The following ANGPTL6 variants were observed in gnomAD, a reference collection of about 807,000 sequenced individuals.
ANGPTL6 encodes angiopoietin-related protein 6.
A neutral mutation model predicts 47.4 loss-of-function variants in ANGPTL6; 45 were observed. That is an observed-to-expected ratio of 0.95 (90% CI 0.75 to 1.22). ANGPTL6 has a LOEUF of 1.22. ANGPTL6 is among the 50% of genes most tolerant of loss of function. ANGPTL6 has a pLI of 0.00. For synonymous variants in ANGPTL6, 290 were observed against 295.9 expected, an observed-to-expected ratio of 0.98 and a Z score of 0.20; for missense variants, 698 against 669.4, an observed-to-expected ratio of 1.04 and a Z score of -0.47.
upstream of ANGPTL6, among the ~76,000 whole-genome samples, chr19:10,103,624 T>TA (rs35700641): frequency 0.45 from 56,091 of 125,858 alleles, 11,743 homozygotes; most frequent in African/African-American, 0.52. Flanking sequence ...AATAAATAAA[T>TA]AATAAATAAA....
intron 1 of ANGPTL6, among the ~76,000 whole-genome samples, chr19:10,098,083 G>A (rs2088591498): frequency 6.6e-6 from 1 of 151,642 alleles, no homozygotes; most frequent in South Asian, 2.1e-4. Flanking sequence ...GTATAGTCAG[G>A]GTCTTGCTAT....
upstream of ANGPTL6, among the ~76,000 whole-genome samples, chr19:10,103,994 G>A (rs1408105200): frequency 3.3e-5 from 5 of 149,446 alleles, no homozygotes; most frequent in South Asian, 6.3e-4. Flanking sequence ...TCAGGAGGCT[G>A]AGGCAGGAGA....
chr19:10,094,032 A>C (rs1599283054), intron 3 of ANGPTL6, 152 bp from the exon 4 acceptor site: 1 of 786,432 alleles, frequency 1.3e-6, no homozygotes, highest in Non-Finnish European at 2.0e-6. Flanking sequence ...CCATTTCCTC[A>C]CCAGAATAAG....
At chr19:10,103,964 A>ATGGG (rs2088750524), upstream of ANGPTL6, among the ~76,000 whole-genome samples, 2 of 150,600 alleles carry the variant, frequency 1.3e-5, no homozygotes, top group Admixed American at 6.6e-5. Flanking sequence ...GTGGTGGCCC[A>ATGGG]TGCCTGTAAT....
chr19:10,093,018 C>A (rs911257762), intron 5 of ANGPTL6: 4 of 487,264 alleles, frequency 8.2e-6, no homozygotes, highest in Non-Finnish European at 7.1e-6. Flanking sequence ...TCTTTCCCAC[C>A]TTTTCTGCAA....
intron 2 of ANGPTL6, among the ~76,000 whole-genome samples, 178 bp downstream of exon 2, chr19:10,095,804 A>C (rs953535539): frequency 6.6e-6 from 1 of 152,252 alleles, no homozygotes; most frequent in African/African-American, 2.4e-5. Flanking sequence ...TAAGTGGTTA[A>C]GTGAAGGCTA....
chr19:10,099,576 CAAAAAAAA>C (rs34627650), intron 1 of ANGPTL6, among the ~76,000 whole-genome samples: 9 of 53,282 alleles, frequency 1.7e-4, no homozygotes, highest in East Asian at 1.3e-3. Context: ...GACTCCATCT[CAAAAAAAA>C]AAAAAAAAAA....
intron 3 of ANGPTL6, chr19:10,094,377 A>C (rs2088475503): frequency 1.5e-5 from 4 of 275,754 alleles, no homozygotes; most frequent in South Asian, 1.4e-4. Context: ...TGATCTCCTG[A>C]CCTCGTGATC....
chr19:10,096,415 G>C lies in ANGPTL6; in HGVS notation c.149C>G (p.Thr50Arg). 2 of 1,323,192 alleles carry C rather than the reference G, an allele frequency of 1.5e-6. No homozygotes were observed. The highest frequency in any genetic ancestry group is 1.9e-6 in the Non-Finnish European group (2 of 1,040,670). The allele number at this position is 1,323,192 out of a possible 1,614,324, so 82.0% of individuals were successfully genotyped here. Reference protein sequence around the residue: ...GAVCWSGPASTRATPEAANAS... With the variant: ...GAVCWSGPASRRATPEAANAS... ...GTTGGCGGCCTCGGGCGTCGCCCGC[G>C]TGGATGCGGGGCCGCTCCAGCACAC... is the stretch of plus-strand genomic sequence containing the variant. The change falls in exon 2 of 6, where the codon ACG (threonine) becomes AGG (arginine). Residue 50 changes from threonine to arginine, a missense_variant. Thr to Arg is a moderately conservative substitution (Grantham distance 71). Coordinates refer to ENST00000253109, the MANE Select transcript of ANGPTL6 (RefSeq NM_031917.3).
chr19:10,092,510 C>T lies in ANGPTL6; in HGVS notation c.*79G>A. ...TGTGGGACACATTGGCACTGAGCCACAAAGAAGGTGTGGCCAGAACAACTT... is the reference window on the plus strand; with the variant it reads ...TGTGGGACACATTGGCACTGAGCCATAAAGAAGGTGTGGCCAGAACAACTT... On this transcript the variant is annotated 3_prime_UTR_variant, in exon 6 of 6. Coordinates refer to ENST00000253109, the MANE Select transcript of ANGPTL6 (RefSeq NM_031917.3). 1.3e-6 allele frequency: 2 copies of T among 1,532,512 alleles called. No individual in the cohort carries two copies. Among genetic ancestry groups the T allele is most frequent in the Admixed American group, 4.0e-5 (2 of 49,984 alleles). The allele number at this position is 1,532,512 out of a possible 1,614,324, so 94.9% of individuals were successfully genotyped here.
chr19:10,093,836 G>C lies in ANGPTL6; in HGVS notation c.808C>G (p.Gln270Glu), dbSNP rs372998779. The change falls in exon 4 of 6, where the codon CAG (glutamine) becomes GAG (glutamate). Residue 270 changes from glutamine (Q) to glutamate (E), a missense_variant. Transcript: ENST00000253109. ...CAEARQAGHE[Q>E]SGVYELRVGR... The stretch of plus-strand genomic sequence containing the variant: ...ACTCGCAGTTCATACACTCCACTCT[G>C]TTCATGGCCTGCCTGGCGGGCCTCT... The C allele has an allele frequency of 2.2e-5, 35 of 1,612,584 alleles. No individual in the cohort carries two copies. The highest frequency in any genetic ancestry group is 3.0e-5 in the Non-Finnish European group (35 of 1,180,046).
At position 10,099,919 on chromosome 19, in the gene ANGPTL6, C is replaced by T. The variant is rs186747313; in HGVS notation, c.-11+2649G>A. 5.7e-3 allele frequency among the ~76,000 whole-genome samples: 833 copies of T among 147,118 alleles called. 17 individuals are homozygous for T. The highest frequency in any genetic ancestry group is 0.045 in the South Asian group (207 of 4,592). ...TTTTTTTTTTAGACGGAGTCTCGCT[C>T]TGCAATCTCAGCTCACTGCAACCTC... On this transcript the variant is annotated intron_variant, in intron 1 of 5. Transcript: ENST00000253109.
chr19:10,097,702 A>T (rs1273465057), intron 1 of ANGPTL6, among the ~76,000 whole-genome samples: 1 of 151,546 alleles, frequency 6.6e-6, no homozygotes, highest in African/African-American at 2.4e-5. Context: ...AAATACAAAA[A>T]GTTAGCTGGG....
chr19:10,096,564 C>G lies in ANGPTL6; in HGVS notation c.-1G>C, dbSNP rs943702834. The G allele has an allele frequency of 4.0e-6, 6 of 1,506,432 alleles. No homozygotes were observed. Among genetic ancestry groups the G allele is most frequent in the Non-Finnish European group, 5.3e-6 (6 of 1,134,854 alleles). The allele number at this position is 1,506,432 out of a possible 1,614,324, so 93.3% of individuals were successfully genotyped here. On this transcript the variant is annotated 5_prime_UTR_variant, in exon 2 of 6. Transcript: ENST00000253109. ...GCGCACGCAGCCAGGGCTTCCCCAT[C>G]GCGGCGGACCTGCAGGCAGAGGAGG...
chr19:10,105,526 T>C (rs1478688130), upstream of ANGPTL6, among the ~76,000 whole-genome samples: 1 of 151,384 alleles, frequency 6.6e-6, no homozygotes, highest in African/African-American at 2.4e-5. Flanking sequence ...GAAACTTCTT[T>C]AGTTTCCATC....
upstream of ANGPTL6, among the ~76,000 whole-genome samples, chr19:10,103,604 TA>T (rs1204625331): frequency 1.2e-4 from 4 of 32,776 alleles, 1 homozygote; most frequent in Non-Finnish European, 2.1e-4. Flanking sequence ...CAAAAATAAA[TA>T]AATAAATAAA....
rs114242564 is a variant in ANGPTL6, at chr19:10,097,203, G to A, written c.-10-630C>T. On this transcript the variant is annotated intron_variant, in intron 1 of 5. Coordinates refer to ENST00000253109, the MANE Select transcript of ANGPTL6 (RefSeq NM_031917.3). Reference sequence around the variant, plus strand: ...GGCTGATCACTTGAGCCTAGGAGTTGGAGACCAGCCTAGACAACACAGAGA... The same window carrying A: ...GGCTGATCACTTGAGCCTAGGAGTTAGAGACCAGCCTAGACAACACAGAGA... Among the ~76,000 whole-genome samples the A allele has an allele frequency of 2.7e-3, 408 of 152,152 alleles. 1 individual carries two copies. The highest frequency in any genetic ancestry group is 9.6e-3 in the African/African-American group (397 of 41,516).
At chr19:10,104,505 A>G (rs1214976241), upstream of ANGPTL6, among the ~76,000 whole-genome samples, 1 of 152,184 alleles carries the variant, frequency 6.6e-6, no homozygotes, top group African/African-American at 2.4e-5. Flanking sequence ...TGGAGAGAAT[A>G]TATTAAGTGA....
chr19:10,093,287 C>G, intron 5 of ANGPTL6, 62 bp downstream of exon 5: 1 of 1,559,476 alleles, frequency 6.4e-7, no homozygotes, highest in Non-Finnish European at 8.7e-7. Context: ...TCCTTTCATT[C>G]CCTCACCAGA....
Sources: gnomAD v4.1 joint callset for allele counts (sites outside exome capture counted in the v4.1 genomes callset) on GRCh38, gnomAD v4.1.1 for gene constraint, MANE v1.5 for transcripts, NCBI Gene and HGNC (gene_info 2026-07-23, HGNC 2026-07-21) for gene names.